Variants in SLC22A7 observed in about 807,000 individuals in gnomAD.
The protein encoded by SLC22A7 is solute carrier family 22 member 7, also known as hOAT2.
Under a neutral mutation model 62.2 loss-of-function variants are expected in SLC22A7, and 48 were observed. The ratio of observed to expected loss-of-function variants is 0.77; its 90% CI spans 0.61 to 0.98. The LOEUF (loss-of-function observed/expected upper bound fraction) is 0.98, where lower values mean the gene tolerates loss of function less well. Ranked by LOEUF, SLC22A7 falls within the 50% of genes least tolerant of loss-of-function variation. The pLI, the probability that SLC22A7 is intolerant of heterozygous loss-of-function variation, is 0.00. For synonymous variants in SLC22A7, 276 were observed against 314.8 expected, an observed-to-expected ratio of 0.88 and a Z score of 1.30; for missense variants, 581 against 703.8, an observed-to-expected ratio of 0.83 and a Z score of 1.97.
At chr6:43,303,064 G>A (rs2150735984) in intron 9 of SLC22A7, 1 of 942,744 alleles carries the variant, frequency 1.1e-6, no homozygotes, top group South Asian at 4.9e-5. Context: ...AGCTAATCAG[G>A]GCCCTCTGTG....
At chr6:43,301,010 A>G in intron 5 of SLC22A7, 125 bp from the exon 6 acceptor site, 1 of 1,215,114 alleles carries the variant, frequency 8.2e-7, no homozygotes, top group Non-Finnish European at 1.2e-6. Context: ...TGGGGAGGAG[A>G]TGATGTTCCA....
upstream of SLC22A7, chr6:43,295,823 T>C (rs1778557532): frequency 6.6e-6 from 1 of 152,206 alleles, no homozygotes; most frequent in Non-Finnish European, 1.5e-5. Context: ...AGAGCTTCCC[T>C]ATGAGGTAGG....
chr6:43,302,468 GC>G lies in SLC22A7; in HGVS notation c.1276+57del. 6.9e-7 allele frequency: 1 copy of G among 1,449,658 alleles called. No individual in the cohort carries two copies. Among genetic ancestry groups the G allele is most frequent in the Non-Finnish European group, 9.2e-7 (1 of 1,083,290 alleles). The allele number at this position is 1,449,658 out of a possible 1,614,324, so 89.8% of individuals were successfully genotyped here. ...CCCCAGAAGCCGGGCCAGGAACCCT[GC>G]CCACTCCCCGGAGACCCCACCTCCT... is the stretch of plus-strand genomic sequence containing the variant. On this transcript the variant is annotated intron_variant, in intron 8 of 10. Transcript: ENST00000372585. This position sits in a 1 kb window ranked among gnomAD's most constrained non-coding sequence, Gnocchi z 5.0.
Position 43,298,313 on chromosome 6 carries a change from GA to G in SLC22A7, c.-45del. 1 of 1,536,688 alleles carries G rather than the reference GA, an allele frequency of 6.5e-7. No homozygotes were observed. Among genetic ancestry groups the G allele is most frequent in the Non-Finnish European group, 8.9e-7 (1 of 1,127,664 alleles). On this transcript the variant is annotated 5_prime_UTR_variant, in exon 1 of 11. Coordinates refer to ENST00000372585, the MANE Select transcript of SLC22A7 (RefSeq NM_153320.2). ...TGTGGTGGGCAGTTTGAGCTGGCTG[GA>G]TACTAGAGGGAGGCTGCACCTGAAG...
rs576857956 is a variant in SLC22A7, at chr6:43,299,670, C to T, written c.547C>T (p.Leu183=). 2.5e-6 allele frequency: 4 copies of T among 1,614,224 alleles called. No homozygotes were observed. The South Asian group carries it at 3.3e-5, about 13-fold the overall frequency. Residue 183 remains leucine, a synonymous_variant, in exon 4 of 11, where the codon CTG becomes TTG. Transcript: ENST00000372585. The surrounding 1 kb of genome is among the most constrained non-coding windows in gnomAD (Gnocchi z 4.4). ...GCTGCTGGTAGCCTACGTGAGTACC[C>T]TGGTGCTGGGCCTGGCATCTGCAGC... ...RLLLVAYVST[L]VLGLASAASV...
At chr6:43,304,275 G>A in intron 10 of SLC22A7, 31 bp downstream of exon 10, 2 of 1,461,722 alleles carry the variant, frequency 1.4e-6, no homozygotes, top group Non-Finnish European at 9.1e-7. Context: ...CTGTGTACGT[G>A]TGATAACATG....
chr6:43,302,672 A>G lies in SLC22A7; in HGVS notation c.1294A>G (p.Thr432Ala). The change falls in exon 9 of 11, where the codon ACT becomes GCT. Residue 432 changes from threonine (T) to alanine (A), a missense_variant. Coordinates refer to ENST00000372585, the MANE Select transcript of SLC22A7 (RefSeq NM_153320.2). The surrounding 1 kb of genome is among the most constrained non-coding windows in gnomAD (Gnocchi z 5.0). ...CCCTCCAGATATGAAGTCCTGGAGC[A>G]CTGTCCTGGCAGTGATGGGGAAAGC... is the stretch of plus-strand genomic sequence containing the variant. ...LVSSDMKSWS[T>A]VLAVMGKAFS... 2 of 1,604,198 alleles carry G rather than the reference A, an allele frequency of 1.2e-6. No individual in the cohort carries two copies. The highest frequency in any genetic ancestry group is 2.2e-5 in the South Asian group (2 of 89,444).
chr6:43,298,719 C>T lies in SLC22A7; in HGVS notation c.361C>T (p.His121Tyr), dbSNP rs866865594. The stretch of plus-strand genomic sequence containing the variant: ...CTGCTCTCAGGGCTGGGAGTACGAC[C>T]ACTCAGAATTCTCCTCTACCATTGC... The part of the protein sequence containing the change: ...VPCSQGWEYD[H>Y]SEFSSTIATE... Residue 121 changes from histidine to tyrosine, a missense_variant, in exon 1 of 11, where the codon CAC becomes TAC. Transcript: ENST00000372585. 2 of 1,523,946 alleles carry T rather than the reference C, an allele frequency of 1.3e-6. No individual in the cohort carries two copies. Among genetic ancestry groups the T allele is most frequent in the African/African-American group, 2.8e-5 (2 of 71,960 alleles). 94.4% of individuals were successfully genotyped at this position (1,523,946 alleles called of 1,614,324 possible).
chr6:43,299,630 T>G lies in SLC22A7; in HGVS notation c.507T>G (p.Phe169Leu). ...AVAFGYLSDR[F>L]GRRRLLLVAY... The stretch of plus-strand genomic sequence containing the variant: ...ACCCTGCATGACCCCTTTGCAGGTT[T>G]GGGCGGCGGCGTCTGCTGCTGGTAG... Residue 169 changes from phenylalanine to leucine, a missense_variant, in exon 4 of 11, where the codon TTT (phenylalanine) becomes TTG (leucine). Coordinates refer to ENST00000372585, the MANE Select transcript of SLC22A7 (RefSeq NM_153320.2). This position sits in a 1 kb window ranked among gnomAD's most constrained non-coding sequence, Gnocchi z 4.4. 6.2e-7 allele frequency: 1 copy of G among 1,614,154 alleles called. No homozygotes were observed. The highest frequency in any genetic ancestry group is 8.5e-7 in the Non-Finnish European group (1 of 1,180,018).
intron 5 of SLC22A7, among the ~76,000 whole-genome samples, chr6:43,300,851 G>A (rs1230746984): frequency 6.6e-6 from 1 of 152,168 alleles, no homozygotes; most frequent in African/African-American, 2.4e-5. Flanking sequence ...TGCCCAGGCT[G>A]ATCTTGAACT....
At chr6:43,304,351 T>C in intron 10 of SLC22A7, 107 bp downstream of exon 10, 3 of 1,001,826 alleles carry the variant, frequency 3.0e-6, no homozygotes, top group Non-Finnish European at 4.3e-6. Flanking sequence ...TATCTGCACA[T>C]GTGTACTTGG....
intron 9 of SLC22A7, chr6:43,303,079 C>T (rs1778812093): frequency 1.0e-6 from 1 of 981,014 alleles, no homozygotes; most frequent in South Asian, 4.7e-5. Flanking sequence ...TCTGTGTTTG[C>T]CCTAGTCTTG....
Position 43,299,528 on chromosome 6 carries a change from TG to T in SLC22A7, c.503+40del, listed in dbSNP as rs1340087292. The T allele has an allele frequency of 2.5e-6, 4 of 1,605,588 alleles. No individual in the cohort carries two copies. The highest frequency in any genetic ancestry group is 3.4e-6 in the Non-Finnish European group (4 of 1,174,380). Reference sequence around the variant, plus strand: ...GGCACTGGGCCAATAAGAAACTGGCTGGGGGAACTTTCTCCCACTAGCTGGG... The same window carrying T: ...GGCACTGGGCCAATAAGAAACTGGCTGGGGAACTTTCTCCCACTAGCTGGG... On this transcript the variant is annotated intron_variant, in intron 3 of 10. Coordinates refer to ENST00000372585, the MANE Select transcript of SLC22A7 (RefSeq NM_153320.2). The surrounding 1 kb of genome is among the most constrained non-coding windows in gnomAD (Gnocchi z 4.4).
In SLC22A7 at chr6:43,302,291, G is replaced by A. The variant is rs1778780510; in HGVS notation, c.1153G>A (p.Val385Met). Residue 385 changes from valine to methionine, a missense_variant, in exon 8 of 11, where the codon GTG becomes ATG. Physicochemically the swap from Val to Met is conservative, Grantham distance 21. Transcript: ENST00000372585. The surrounding 1 kb of genome is among the most constrained non-coding windows in gnomAD (Gnocchi z 5.0). ...CCAGACACAGCTGTTGTTCGGGGCTGTGGAACTGCCCTCCAAGCTGCTGGT... is the reference window on the plus strand; with the variant it reads ...CCAGACACAGCTGTTGTTCGGGGCTATGGAACTGCCCTCCAAGCTGCTGGT... ...VYQTQLLFGAVELPSKLLVYL... is the reference protein window; with the variant it reads ...VYQTQLLFGAMELPSKLLVYL... 6.2e-7 allele frequency: 1 copy of A among 1,613,964 alleles called. No homozygotes were observed. Among genetic ancestry groups the A allele is most frequent in the South Asian group, 1.1e-5 (1 of 91,052 alleles).
chr6:43,304,605 G>A, intron 10 of SLC22A7, 66 bp from the exon 11 acceptor site: 1 of 1,444,658 alleles, frequency 6.9e-7, no homozygotes, highest in Admixed American at 1.8e-5. Context: ...AGCCCTGATG[G>A]GGCAGGCTGG....
Position 43,304,105 on chromosome 6 carries a change from T to C in SLC22A7, c.1453T>C (p.Leu485=), listed in dbSNP as rs200688206. The change falls in exon 10 of 11, where the codon TTG becomes CTG. Residue 485 remains leucine (L), a synonymous_variant. Coordinates refer to ENST00000372585, the MANE Select transcript of SLC22A7 (RefSeq NM_153320.2). ...GGGCTCTTTGGCCCCACTGGCGGCC[T>C]TGCTGGATGGAGTGTGGCTGTCACT... is the stretch of plus-strand genomic sequence containing the variant. ...LGGSLAPLAA[L]LDGVWLSLPK... The C allele has an allele frequency of 1.2e-4, 189 of 1,603,286 alleles. No homozygotes were observed. The East Asian group carries it at 2.5e-3, about 21-fold the overall frequency.
At chr6:43,298,999 C>T in intron 1 of SLC22A7, 93 bp from the exon 2 acceptor site, 5 of 1,319,284 alleles carry the variant, frequency 3.8e-6, no homozygotes, top group East Asian at 2.3e-5. Flanking sequence ...AAAGTGGCTT[C>T]AGGGAGTTGA....
chr6:43,304,701 G>T lies in SLC22A7; in HGVS notation c.1623G>T (p.Met541Ile). 1 of 1,596,196 alleles carries T rather than the reference G, an allele frequency of 6.3e-7. No individual in the cohort carries two copies. The highest frequency in any genetic ancestry group is 8.6e-7 in the Non-Finnish European group (1 of 1,168,338). Residue 541 changes from methionine to isoleucine, a missense_variant, in exon 11 of 11, where the codon ATG (methionine) becomes ATT (isoleucine). Transcript: ENST00000372585. ...CAACCAGTCTTCAGGAGGAAGAGATGCCCATGAAGCAGGTCCAGAACTAAG... is the reference window on the plus strand; with the variant it reads ...CAACCAGTCTTCAGGAGGAAGAGATTCCCATGAAGCAGGTCCAGAACTAAG... ...SAPTSLQEEE[M>I]PMKQVQN
upstream of SLC22A7, among the ~76,000 whole-genome samples, chr6:43,297,836 G>A (rs758068896): frequency 1.4e-4 from 21 of 152,188 alleles, 1 homozygote; most frequent in Admixed American, 7.2e-4. Context: ...TCAGCAGAAA[G>A]AAACCTGGTT....
Sources: allele counts gnomAD v4.1 joint callset (sites outside exome capture counted in the v4.1 genomes callset), GRCh38; gene constraint gnomAD v4.1.1; non-coding constraint Gnocchi (gnomAD v3.1); transcripts MANE v1.5; gene names NCBI Gene and HGNC (gene_info 2026-07-23, HGNC 2026-07-21).